The following BRINP3 variants were observed in gnomAD, a reference collection of about 807,000 sequenced individuals.
The protein encoded by BRINP3 is BMP/retinoic acid inducible neural specific 3, also known as BMP/retinoic acid-inducible neural-specific protein 3.
A neutral mutation model predicts 71.0 loss-of-function variants in BRINP3; 19 were observed. The ratio of observed to expected loss-of-function variants is 0.27; its 90% confidence interval spans 0.19 to 0.39. The LOEUF (loss-of-function observed/expected upper bound fraction) is 0.39. Among genes scored for constraint, BRINP3 ranks in the 10% least tolerant of loss-of-function variants. The probability of loss-of-function intolerance (pLI) is 1.00; values close to 1 mark genes in which losing one functional copy is unlikely to be tolerated. For synonymous variants in BRINP3, 380 were observed against 337.7 expected (o/e 1.13, Z -1.37); for missense variants, 959 against 940.8 (o/e 1.02, Z -0.25).
intron 2 of BRINP3, among the ~76,000 whole-genome samples, chr1:190,417,148 A>AAT (rs1374404114): frequency 2.0e-5 from 3 of 152,198 alleles, no homozygotes; most frequent in Non-Finnish European, 4.4e-5. Flanking sequence ...ATACAGTAAA[A>AAT]ATCTACTAAA....
At chr1:190,313,034 T>C (rs1399863179) in intron 2 of BRINP3, among the ~76,000 whole-genome samples, 1 of 151,884 alleles carries the variant, frequency 6.6e-6, no homozygotes, top group East Asian at 1.9e-4. Context: ...AAGTTTTAAT[T>C]TACAAATTAC....
At chr1:190,225,269 A>T (rs984242340) in intron 6 of BRINP3, among the ~76,000 whole-genome samples, 4 of 152,040 alleles carry the variant, frequency 2.6e-5, no homozygotes, top group Admixed American at 2.6e-4. Context: ...TGTTATATAT[A>T]CACAATGGAA....
chr1:190,369,222 G>A (rs148870524), intron 2 of BRINP3, among the ~76,000 whole-genome samples: 271 of 151,976 alleles, frequency 1.8e-3, no homozygotes, highest in East Asian at 3.7e-3. Context: ...TATTATAATC[G>A]GGACTCCAAC....
At chr1:190,115,641 C>T (rs1285441880) in intron 7 of BRINP3, among the ~76,000 whole-genome samples, 1 of 152,098 alleles carries the variant, frequency 6.6e-6, no homozygotes, top group Non-Finnish European at 1.5e-5. Context: ...ACAGGAACAT[C>T]CCGACTCTCT....
At chr1:190,337,129 G>C (rs1571786132) in intron 2 of BRINP3, among the ~76,000 whole-genome samples, 1 of 151,772 alleles carries the variant, frequency 6.6e-6, no homozygotes, top group African/African-American at 2.4e-5. Context: ...TAACACTCAA[G>C]TCTGCATACC....
intron 2 of BRINP3, among the ~76,000 whole-genome samples, chr1:190,328,060 A>C (rs1666727759): frequency 6.6e-6 from 1 of 152,128 alleles, no homozygotes; most frequent in Admixed American, 6.6e-5. Flanking sequence ...TAAACAATGA[A>C]ATTAAAGCAG....
At chr1:190,334,214 T>G (rs1667143284) in intron 2 of BRINP3, among the ~76,000 whole-genome samples, 1 of 151,888 alleles carries the variant, frequency 6.6e-6, no homozygotes, top group African/African-American at 2.4e-5. Context: ...TGATTTTGTC[T>G]TCTGATTTCA....
chr1:190,236,032 A>T (rs1319258289), intron 4 of BRINP3, among the ~76,000 whole-genome samples: 3 of 151,982 alleles, frequency 2.0e-5, no homozygotes, highest in Non-Finnish European at 4.4e-5. Flanking sequence ...AAAGAGGAGG[A>T]GGAAACATAA....
intron 3 of BRINP3, among the ~76,000 whole-genome samples, chr1:190,269,944 A>G (rs1014464973): frequency 6.6e-6 from 1 of 151,998 alleles, no homozygotes; most frequent in Non-Finnish European, 1.5e-5. Context: ...CTGTGGCTTT[A>G]TTATTGACAT....
intron 1 of BRINP3, among the ~76,000 whole-genome samples, chr1:190,460,488 G>A (rs1676313431): frequency 6.6e-6 from 1 of 151,986 alleles, no homozygotes; most frequent in Non-Finnish European, 1.5e-5. Context: ...TTTATTAATT[G>A]TTTCAATTCC....
At chr1:190,448,559 A>G (rs1426579318) in intron 2 of BRINP3, among the ~76,000 whole-genome samples, 2 of 150,420 alleles carry the variant, frequency 1.3e-5, no homozygotes, top group Admixed American at 1.3e-4. Context: ...TGTTTTTTTA[A>G]TTTCTCCTGG....
rs1005132642 is a variant in BRINP3 at position 190,446,451 on chromosome 1, A to T, written c.236+8204T>A. On this transcript the variant is annotated intron_variant, in intron 2 of 7. Coordinates refer to ENST00000367462, the MANE Select transcript of BRINP3 (RefSeq NM_199051.3). ...TATAACATACAAGAAATAGGAAAAA[A>T]TTAGATTGGTGGGGGAAAGATAAGT... Among the ~76,000 whole-genome samples, 6 of 152,078 alleles carry T rather than the reference A, an allele frequency of 3.9e-5. No individual in the cohort carries two copies. In the East Asian group the frequency reaches 1.2e-3, roughly 29 times the overall value.
At chr1:190,310,642 A>C (rs569525601) in intron 2 of BRINP3, among the ~76,000 whole-genome samples, 2 of 151,784 alleles carry the variant, frequency 1.3e-5, no homozygotes, top group African/African-American at 2.4e-5. Flanking sequence ...TGTAATTATC[A>C]TAACTTTCTC....
At chr1:190,211,917 A>C (rs1425786965) in intron 6 of BRINP3, among the ~76,000 whole-genome samples, 4 of 152,114 alleles carry the variant, frequency 2.6e-5, no homozygotes, top group Non-Finnish European at 5.9e-5. Context: ...AACGGTGACC[A>C]ATCAAAACAA....
intron 1 of BRINP3, among the ~76,000 whole-genome samples, chr1:190,474,131 C>T (rs1161270982): frequency 2.6e-5 from 4 of 152,200 alleles, no homozygotes; most frequent in Non-Finnish European, 5.9e-5. Context: ...TCTTCTAACT[C>T]TCTACCCTTC....
chr1:190,128,411 T>C (rs569026351), intron 7 of BRINP3, among the ~76,000 whole-genome samples: 17 of 151,824 alleles, frequency 1.1e-4, no homozygotes, highest in South Asian at 2.1e-4. Context: ...AATTTTATCA[T>C]CCACAAACTA....
chr1:190,265,939 T>G (rs1661623169), intron 3 of BRINP3, among the ~76,000 whole-genome samples: 1 of 152,216 alleles, frequency 6.6e-6, no homozygotes, highest in Non-Finnish European at 1.5e-5. Context: ...GTTAATACAC[T>G]GTGTGAAAAA....
At chr1:190,186,378 T>C (rs919732771) in intron 6 of BRINP3, among the ~76,000 whole-genome samples, 3 of 151,950 alleles carry the variant, frequency 2.0e-5, no homozygotes, top group South Asian at 2.1e-4. Context: ...AAAACAAACA[T>C]ACAAACCAAC....
chr1:190,257,388 TA>T (rs1660762515), intron 4 of BRINP3, among the ~76,000 whole-genome samples: 1 of 152,186 alleles, frequency 6.6e-6, no homozygotes, highest in South Asian at 2.1e-4. Flanking sequence ...GACATTTGTC[TA>T]ATCTTTTTTC....
Sources: gnomAD v4.1 joint callset for allele counts (sites outside exome capture counted in the v4.1 genomes callset) on GRCh38, gnomAD v4.1.1 for gene constraint, MANE v1.5 for transcripts, NCBI Gene and HGNC (gene_info 2026-07-23, HGNC 2026-07-21) for gene names.